Variants in PPP2R5E observed in about 807,000 individuals in gnomAD.
PPP2R5E encodes the protein serine/threonine-protein phosphatase 2A 56 kDa regulatory subunit epsilon isoform.
A neutral mutation model predicts 65.3 loss-of-function variants in PPP2R5E; 4 were observed. That is an observed-to-expected ratio of 0.06 (90% CI 0.03 to 0.14). The LOEUF is 0.14. PPP2R5E is among the 10% of genes least tolerant of loss of function. PPP2R5E has a pLI of 1.00. For missense variants in PPP2R5E, 274 were observed against 556.1 expected, an observed-to-expected ratio of 0.49 and a Z score of 5.10; for synonymous variants, 183 against 187.4, an observed-to-expected ratio of 0.98 and a Z score of 0.19.
At chr14:63,448,787 CA>C (rs36096050) in intron 3 of PPP2R5E, among the ~76,000 whole-genome samples, 9,087 of 86,522 alleles carry the variant, frequency 0.11, 211 homozygotes, top group South Asian at 0.14. Context: ...AAGACTTCGT[CA>C]AAAAAAAAAA....
chr14:63,382,084 T>C lies in PPP2R5E; in HGVS notation c.1276A>G (p.Thr426Ala). 6.2e-7 allele frequency: 1 copy of C among 1,613,768 alleles called. No homozygotes were observed. Among genetic ancestry groups the C allele is most frequent in the East Asian group, 2.2e-5 (1 of 44,870 alleles). Residue 426 changes from threonine (T) to alanine (A), a missense_variant, in exon 13 of 14, where the codon ACA (threonine) becomes GCA (alanine). Physicochemically the swap from Thr to Ala is moderately conservative, Grantham distance 58. This residue lies in a region of PPP2R5E where 129 missense variants were observed against 254.9 expected (regional missense o/e 0.51). Transcript: ENST00000337537. ...TGACGATCTGACTTGTATGTGGCTGTCAGCTCGTCAAACATGGTGCTGTTC... is the reference window on the plus strand; with the variant it reads ...TGACGATCTGACTTGTATGTGGCTGCCAGCTCGTCAAACATGGTGCTGTTC... ...EMNSTMFDELTATYKSDRQRE... is the reference protein window; with the variant it reads ...EMNSTMFDELAATYKSDRQRE...
intron 2 of PPP2R5E, among the ~76,000 whole-genome samples, chr14:63,482,472 A>T (rs2139599805): frequency 6.6e-6 from 1 of 152,220 alleles, no homozygotes; most frequent in South Asian, 2.1e-4. Flanking sequence ...AAACAACAAC[A>T]ACAAAAAAAA....
At chr14:63,442,449 G>A (rs548665006) in intron 3 of PPP2R5E, among the ~76,000 whole-genome samples, 12 of 136,862 alleles carry the variant, frequency 8.8e-5, no homozygotes, top group Non-Finnish European at 1.9e-4. Context: ...TGGATCTAAA[G>A]AGTCACCTCC....
rs896192149 is a variant in PPP2R5E at position 63,424,714 on chromosome 14, G to A, written c.355-2620C>T. ...TGCAGTGAGCCGAGATCTCACCACC[G>A]CACTCCAGCCTGGGCAACAGAGCCA... On this transcript the variant is annotated intron_variant, in intron 3 of 13. Transcript: ENST00000337537. 3.4e-5 allele frequency among the ~76,000 whole-genome samples: 5 copies of A among 148,868 alleles called. No homozygotes were observed. The East Asian group carries it at 9.8e-4, about 29-fold the overall frequency.
chr14:63,446,947 A>G (rs1263468507), intron 3 of PPP2R5E, among the ~76,000 whole-genome samples: 1 of 152,240 alleles, frequency 6.6e-6, no homozygotes, highest in East Asian at 1.9e-4. Context: ...GGGAAAAGAA[A>G]AACAAAACGT....
chr14:63,446,262 G>T (rs1260307369), intron 3 of PPP2R5E, among the ~76,000 whole-genome samples: 1 of 152,088 alleles, frequency 6.6e-6, no homozygotes, highest in African/African-American at 2.4e-5. Flanking sequence ...AGCTCTCAAG[G>T]TCATCCATGA....
rs116055821 is a variant in PPP2R5E at position 63,458,239 on chromosome 14, C to A, written c.158-4354G>T. Among the ~76,000 whole-genome samples, 991 of 152,306 alleles carry A rather than the reference C, an allele frequency of 6.5e-3. 10 individuals carry two copies. Among genetic ancestry groups the A allele is most frequent in the African/African-American group, 0.023 (959 of 41,562 alleles). On this transcript the variant is annotated intron_variant, in intron 2 of 13. Coordinates refer to ENST00000337537, the MANE Select transcript of PPP2R5E (RefSeq NM_006246.5). ...AGTTTAGCTCTTGCTGGGGGGCACT[C>A]CCCTCACCCTAATCATGATTTAAAG...
In PPP2R5E at chr14:63,467,222, C is replaced by CAAAAAAAAAA. The variant is rs767892639; in HGVS notation, c.158-13338_158-13337insTTTTTTTTTT. On this transcript the variant is annotated intron_variant, in intron 2 of 13. Transcript: ENST00000337537. ...TGGGTGACAGAGCAAGACTCCGTCT[C>CAAAAAAAAAA]AAAAAAAACAAACAAACAAACAAAA... Among the ~76,000 whole-genome samples the CAAAAAAAAAA allele has an allele frequency of 2.4e-3, 272 of 114,182 alleles. 41 individuals carry two copies. The highest frequency in any genetic ancestry group is 6.4e-3 in the African/African-American group (143 of 22,372). 74.9% of individuals were successfully genotyped at this position (114,182 alleles called of 152,430 possible).
chr14:63,483,234 G>C (rs1890799616), intron 2 of PPP2R5E, among the ~76,000 whole-genome samples: 1 of 152,112 alleles, frequency 6.6e-6, no homozygotes, highest in Non-Finnish European at 1.5e-5. Flanking sequence ...GCAAGGAAAG[G>C]AACATGGGGA....
At chr14:63,518,500 T>G (rs1375800024) in intron 2 of PPP2R5E, among the ~76,000 whole-genome samples, 1 of 152,168 alleles carries the variant, frequency 6.6e-6, no homozygotes, top group Non-Finnish European at 1.5e-5. Flanking sequence ...CGTCTCAGCC[T>G]CCCAAATCAC....
chr14:63,468,401 A>C (rs1275779119), intron 2 of PPP2R5E, among the ~76,000 whole-genome samples: 1 of 152,248 alleles, frequency 6.6e-6, no homozygotes, highest in Non-Finnish European at 1.5e-5. Context: ...AAATAACTTC[A>C]AAATAAAGTT....
intron 2 of PPP2R5E, among the ~76,000 whole-genome samples, chr14:63,455,071 GC>G (rs1406947314): frequency 6.6e-6 from 1 of 152,164 alleles, no homozygotes; most frequent in Non-Finnish European, 1.5e-5. Context: ...ATCCTCAGTT[GC>G]CAGCCTTCTG....
At chr14:63,530,630 CTTTTTTTTT>C (rs954359159) in intron 2 of PPP2R5E, among the ~76,000 whole-genome samples, 30 of 81,294 alleles carry the variant, frequency 3.7e-4, no homozygotes, top group African/African-American at 1.4e-3. Flanking sequence ...CTCTCAATTT[CTTTTTTTTT>C]TTTTTTTTTT....
At chr14:63,463,269 A>G (rs1242833892) in intron 2 of PPP2R5E, among the ~76,000 whole-genome samples, 4 of 151,328 alleles carry the variant, frequency 2.6e-5, no homozygotes, top group Non-Finnish European at 5.9e-5. Context: ...CCTCCCGAGT[A>G]GCTGGGATTA....
chr14:63,510,898 A>C (rs1192426305), intron 2 of PPP2R5E, among the ~76,000 whole-genome samples: 2 of 152,352 alleles, frequency 1.3e-5, no homozygotes, highest in Admixed American at 6.5e-5. Context: ...ACCTGTTGGG[A>C]GGCAAAAGAT....
chr14:63,519,172 C>T (rs1040216114), intron 2 of PPP2R5E, among the ~76,000 whole-genome samples: 1 of 151,988 alleles, frequency 6.6e-6, no homozygotes, highest in Non-Finnish European at 1.5e-5. Flanking sequence ...CAAGATCGTG[C>T]CATTGCACTC....
At chr14:63,406,692 T>G (rs1886112545) in intron 5 of PPP2R5E, among the ~76,000 whole-genome samples, 1 of 152,216 alleles carries the variant, frequency 6.6e-6, no homozygotes, top group South Asian at 2.1e-4. Flanking sequence ...TTTCACACAT[T>G]ATAAATTATA....
intron 2 of PPP2R5E, among the ~76,000 whole-genome samples, chr14:63,518,507 T>C (rs1004728796): frequency 1.4e-4 from 22 of 152,274 alleles, no homozygotes; most frequent in Admixed American, 1.1e-3. Flanking sequence ...GCCTCCCAAA[T>C]CACTGTAATT....
chr14:63,494,953 C>T (rs1321438303), intron 2 of PPP2R5E, among the ~76,000 whole-genome samples: 2 of 151,978 alleles, frequency 1.3e-5, no homozygotes, highest in African/African-American at 4.8e-5. Flanking sequence ...CCTGTAATCC[C>T]AGCATTTTGG....
Sources: allele counts gnomAD v4.1 joint callset (sites outside exome capture counted in the v4.1 genomes callset), GRCh38; gene constraint gnomAD v4.1.1; regional missense constraint gnomAD v4.1.1; transcripts MANE v1.5; gene names NCBI Gene and HGNC (gene_info 2026-07-23, HGNC 2026-07-21).